The following NCAPD2 variants were observed in gnomAD, a reference collection of about 807,000 sequenced individuals.
The protein encoded by NCAPD2 is non-SMC condensin I complex subunit D2, also known as condensin complex subunit 1.
Under a neutral mutation model 164.5 loss-of-function variants are expected in NCAPD2, and 100 were observed. The observed-to-expected ratio is 0.61, with a 90% CI of 0.52 to 0.72. NCAPD2 has a LOEUF of 0.72. Ranked by LOEUF, NCAPD2 falls within the 30% of genes least tolerant of loss-of-function variation. The pLI, the probability that NCAPD2 is intolerant of heterozygous loss-of-function variation, is 0.00. For synonymous variants in NCAPD2, 585 were observed against 642.6 expected (o/e 0.91, Z 1.36); for missense variants, 1,560 against 1,749.2 (o/e 0.89, Z 1.93).
chr12:6,530,714 G>A lies in NCAPD2; in HGVS notation c.3861G>A (p.Gln1287=), dbSNP rs577612749. The change falls in exon 30 of 32, where the codon CAG becomes CAA. Residue 1287 remains glutamine (Q), a synonymous_variant. Coordinates refer to ENST00000315579, the MANE Select transcript of NCAPD2 (RefSeq NM_014865.4). ...EGKAIIDEFE[Q]KLRACHTRGL... is the part of the protein sequence containing the mutation. ...AGGCTATAATAGATGAATTTGAGCA[G>A]AAGCTTCGGGCCTGTCATACCAGAG... 6.2e-7 allele frequency: 1 copy of A among 1,614,166 alleles called. No individual in the cohort carries two copies. The highest frequency in any genetic ancestry group is 1.3e-5 in the African/African-American group (1 of 75,028).
intron 13 of NCAPD2, among the ~76,000 whole-genome samples, chr12:6,518,504 G>GTTTTT (rs56183938): frequency 0.013 from 564 of 44,654 alleles, 104 homozygotes; most frequent in East Asian, 0.029. Flanking sequence ...CCGTCAACAA[G>GTTTTT]TTTTTTTTTT....
chr12:6,503,146 C>A (rs1223720112), intron 2 of NCAPD2, among the ~76,000 whole-genome samples: 2 of 151,636 alleles, frequency 1.3e-5, no homozygotes, highest in East Asian at 3.9e-4. Context: ...TGAGCCACCA[C>A]GTCTGGCCTA....
intron 27 of NCAPD2, 67 bp downstream of exon 27, chr12:6,529,106 T>C (rs71579326): frequency 2.1e-6 from 3 of 1,402,120 alleles, no homozygotes; most frequent in Admixed American, 3.4e-5. Flanking sequence ...GACACACCTG[T>C]ATTTGAATTC....
intron 13 of NCAPD2, chr12:6,518,173 A>G (rs992526163): frequency 4.5e-6 from 2 of 449,382 alleles, no homozygotes; most frequent in African/African-American, 4.0e-5. Flanking sequence ...AACTACTGAA[A>G]CAATTAAATG....
intron 3 of NCAPD2, 25 bp from the exon 4 acceptor site, chr12:6,510,040 TCCTGTCTCAC>T: frequency 1.9e-6 from 3 of 1,602,106 alleles, no homozygotes; most frequent in Non-Finnish European, 2.6e-6. Context: ...GCAGGCTCCT[TCCTGTCTCAC>T]CCCCACACTT....
At chr12:6,525,813 A>T (rs930372947) in intron 18 of NCAPD2, 97 bp downstream of exon 18, 5 of 1,505,456 alleles carry the variant, frequency 3.3e-6, no homozygotes, top group Non-Finnish European at 3.6e-6. Context: ...GTGAGGCCCA[A>T]CTGAGCTCTG....
intron 9 of NCAPD2, among the ~76,000 whole-genome samples, chr12:6,516,246 A>G (rs1017948114): frequency 8.6e-5 from 13 of 151,132 alleles, no homozygotes; most frequent in Admixed American, 7.9e-4. Flanking sequence ...GCTCACGCCT[A>G]TAATCTCAGC....
At chr12:6,514,628 T>C (rs1212809394) in intron 8 of NCAPD2, 41 bp downstream of exon 8, 33 of 1,613,032 alleles carry the variant, frequency 2.0e-5, no homozygotes, top group Admixed American at 5.0e-5. Context: ...TTATTTTCCT[T>C]GGGGAGGGAA....
Position 6,531,496 on chromosome 12 carries a change from T to A in NCAPD2, c.*84T>A. ...TTCTGTTTCCCTTGTAAAATATTTGTCTGTCTCTTTTTTTTAAAAAAAAAA... is the reference window on the plus strand; with the variant it reads ...TTCTGTTTCCCTTGTAAAATATTTGACTGTCTCTTTTTTTTAAAAAAAAAA... On this transcript the variant is annotated 3_prime_UTR_variant, in exon 32 of 32. Coordinates refer to ENST00000315579, the MANE Select transcript of NCAPD2 (RefSeq NM_014865.4). This position sits in a 1 kb window ranked among gnomAD's most constrained non-coding sequence, Gnocchi z 4.1. The A allele has an allele frequency of 6.5e-7, 1 of 1,549,176 alleles. No individual in the cohort carries two copies.
chr12:6,514,387 T>C lies in NCAPD2; in HGVS notation c.710T>C (p.Met237Thr), dbSNP rs750852571. ...LGVALTRYNHMLSATVKIIQM... is the reference protein window; with the variant it reads ...LGVALTRYNHTLSATVKIIQM... ...GTAGCCTTGACCCGTTATAACCATA[T>C]GCTCAGTAAGTTACCAGTCGCTTTG... Residue 237 changes from methionine to threonine, a missense_variant, in exon 7 of 32, where the codon ATG becomes ACG. Transcript: ENST00000315579. 1 of 1,614,110 alleles carries C rather than the reference T, an allele frequency of 6.2e-7. No individual in the cohort carries two copies. Among genetic ancestry groups the C allele is most frequent in the Non-Finnish European group, 8.5e-7 (1 of 1,180,058 alleles).
intron 17 of NCAPD2, 48 bp downstream of exon 17, chr12:6,523,394 G>GTTT: frequency 1.5e-5 from 16 of 1,038,442 alleles, no homozygotes; most frequent in African/African-American, 2.7e-5. Context: ...CAAGTATTTT[G>GTTT]GTTGTTTTTT....
In NCAPD2 at chr12:6,526,188, G is replaced by A. The variant is rs373388978; in HGVS notation, c.2469G>A (p.Ser823=). The change falls in exon 19 of 32, where the codon TCG becomes TCA. Residue 823 remains serine, a synonymous_variant. Transcript: ENST00000315579. The part of the protein sequence containing the change: ...QQVCHAIANI[S]DRRKPSLGKR... The stretch of plus-strand genomic sequence containing the variant: ...TGTGCCATGCCATTGCCAACATCTC[G>A]GACAGGAGAAAGGTATGTGGGGGTG... The A allele has an allele frequency of 6.8e-6, 11 of 1,614,156 alleles. No homozygotes were observed. Among genetic ancestry groups the A allele is most frequent in the Middle Eastern group, 1.6e-4 (1 of 6,062 alleles).
rs147123193 is a variant in NCAPD2 at position 6,495,920 on chromosome 12, T to C, written c.127+695T>C. Among the ~76,000 whole-genome samples the C allele has an allele frequency of 7.9e-5, 12 of 152,298 alleles. No individual in the cohort carries two copies. The East Asian group carries it at 2.1e-3, about 27-fold the overall frequency. On this transcript the variant is annotated intron_variant, in intron 2 of 31. Coordinates refer to ENST00000315579, the MANE Select transcript of NCAPD2 (RefSeq NM_014865.4). ...GCCTTGGTTTCGTCATCTGTAAATA[T>C]AGAGATAATAACCAATTCCTTTGTT...
Position 6,514,852 on chromosome 12 carries a change from C to G in NCAPD2, c.919C>G (p.Leu307Val), listed in dbSNP as rs760098665. 4 of 1,614,096 alleles carry G rather than the reference C, an allele frequency of 2.5e-6. No homozygotes were observed. Among genetic ancestry groups the G allele is most frequent in the African/African-American group, 2.7e-5 (2 of 74,922 alleles). ...GGGCTTTGCAGCATTCCTGACAGAACTAGCAGAACGTGTCCCAGCTATCCT... is the reference window on the plus strand; with the variant it reads ...GGGCTTTGCAGCATTCCTGACAGAAGTAGCAGAACGTGTCCCAGCTATCCT... ...TKGFAAFLTE[L>V]AERVPAILMS... Residue 307 changes from leucine to valine, a missense_variant, in exon 9 of 32, where the codon CTA (leucine) becomes GTA (valine). By Grantham distance (32) the Leu-to-Val change is conservative (BLOSUM62 1). Transcript: ENST00000315579.
chr12:6,516,594 A>G (rs1188311602), intron 9 of NCAPD2, among the ~76,000 whole-genome samples: 1 of 152,106 alleles, frequency 6.6e-6, no homozygotes, highest in Non-Finnish European at 1.5e-5. Flanking sequence ...TGGTGAGTGG[A>G]TGTGATTTTT....
chr12:6,520,014 C>G (rs1467373922), intron 13 of NCAPD2, among the ~76,000 whole-genome samples: 2 of 151,950 alleles, frequency 1.3e-5, no homozygotes, highest in African/African-American at 4.8e-5. Context: ...AAACCCATCT[C>G]TGCTAAAATT....
intron 5 of NCAPD2, 81 bp from the exon 6 acceptor site, chr12:6,511,029 T>A (rs1946141642): frequency 6.8e-7 from 1 of 1,473,878 alleles, no homozygotes. Flanking sequence ...TGGTACTAGA[T>A]TGTTTGGGCA....
intron 2 of NCAPD2, among the ~76,000 whole-genome samples, chr12:6,500,836 G>A (rs915282241): frequency 1.3e-5 from 2 of 152,164 alleles, no homozygotes; most frequent in African/African-American, 2.4e-5. Flanking sequence ...ACTGGCGACT[G>A]TGTTGAGCAG....
At chr12:6,500,871 G>A (rs978548266) in intron 2 of NCAPD2, among the ~76,000 whole-genome samples, 30 of 152,156 alleles carry the variant, frequency 2.0e-4, no homozygotes, top group Admixed American at 1.8e-3. Context: ...AAGGAGAGAA[G>A]CAGGGATACT....
Sources: allele counts gnomAD v4.1 joint callset (sites outside exome capture counted in the v4.1 genomes callset), GRCh38; gene constraint gnomAD v4.1.1; non-coding constraint Gnocchi (gnomAD v3.1); transcripts MANE v1.5; gene names NCBI Gene and HGNC (gene_info 2026-07-23, HGNC 2026-07-21).